The following SBF2 variants were observed in gnomAD, a reference collection of about 807,000 sequenced individuals.
The protein encoded by SBF2 is myotubularin-related protein 13.
SBF2 carries 112 observed loss-of-function variants against 225.2 expected under a neutral mutation model. The observed-to-expected ratio is 0.50, with a 90% CI of 0.43 to 0.58. The LOEUF is 0.58. Among genes scored for constraint, SBF2 ranks in the 20% least tolerant of loss-of-function variants. The pLI is 0.00. For missense variants in SBF2, 1,996 were observed against 2,206.2 expected (o/e 0.90, Z 1.91); for synonymous variants, 763 against 773.3 (o/e 0.99, Z 0.22).
At chr11:10,058,708 T>G (rs534644615) in intron 2 of SBF2, among the ~76,000 whole-genome samples, 1 of 152,134 alleles carries the variant, frequency 6.6e-6, no homozygotes, top group East Asian at 1.9e-4. Flanking sequence ...CCAAGACACA[T>G]AATCATCAGA....
At chr11:9,932,874 T>C (rs907887866) in intron 16 of SBF2, among the ~76,000 whole-genome samples, 3 of 147,832 alleles carry the variant, frequency 2.0e-5, no homozygotes, top group Non-Finnish European at 4.4e-5. Flanking sequence ...GTGTGCTCTA[T>C]TCAGGAGACC....
chr11:10,031,179 A>C lies in SBF2; in HGVS notation c.280-9T>G. 1.2e-6 allele frequency: 2 copies of C among 1,612,966 alleles called. No homozygotes were observed. Among genetic ancestry groups the C allele is most frequent in the South Asian group, 2.2e-5 (2 of 90,992 alleles). ...TCTTCCTTCTTTGTTCCCTAGAAAA[A>C]GAGACACTGAAATCAACAAACAGAA... On this transcript the variant is annotated splice_polypyrimidine_tract_variant and intron_variant, in intron 3 of 39. Coordinates refer to ENST00000256190, the MANE Select transcript of SBF2 (RefSeq NM_030962.4).
intron 12 of SBF2, 54 bp downstream of exon 12, chr11:9,992,361 A>T (rs1047272577): frequency 1.4e-6 from 2 of 1,451,964 alleles, no homozygotes; most frequent in African/African-American, 2.8e-5. Flanking sequence ...TTTACTTTTA[A>T]CTACTAGTCT....
At chr11:9,983,226 C>A (rs1947035578) in intron 13 of SBF2, among the ~76,000 whole-genome samples, 1 of 152,190 alleles carries the variant, frequency 6.6e-6, no homozygotes, top group African/African-American at 2.4e-5. Context: ...GAAACAGACT[C>A]AGGGCTACTG....
chr11:9,883,064 G>A (rs1201629391), intron 17 of SBF2, among the ~76,000 whole-genome samples: 1 of 152,052 alleles, frequency 6.6e-6, no homozygotes, highest in Non-Finnish European at 1.5e-5. Flanking sequence ...AACTCAGGAA[G>A]CGGAGGTTGC....
intron 3 of SBF2, among the ~76,000 whole-genome samples, chr11:10,035,967 CTTA>C (rs1181200947): frequency 6.6e-6 from 1 of 152,102 alleles, no homozygotes; most frequent in Admixed American, 6.6e-5. Flanking sequence ...CACACGTATG[CTTA>C]TTGTGACACT....
At chr11:9,911,010 G>A (rs1239626923) in intron 16 of SBF2, among the ~76,000 whole-genome samples, 1 of 150,096 alleles carries the variant, frequency 6.7e-6, no homozygotes, top group Non-Finnish European at 1.5e-5. Flanking sequence ...AGTGAGCTGA[G>A]ATCGCCCCAC....
intron 17 of SBF2, among the ~76,000 whole-genome samples, chr11:9,892,547 A>AATAT (rs753773750): frequency 3.3e-4 from 49 of 147,800 alleles, no homozygotes; most frequent in Admixed American, 6.1e-4. Flanking sequence ...CTATCTGGAA[A>AATAT]ATATATATAT....
chr11:9,801,815 T>C (rs991721408), intron 32 of SBF2, among the ~76,000 whole-genome samples: 2 of 152,348 alleles, frequency 1.3e-5, no homozygotes, highest in Middle Eastern at 3.4e-3. Context: ...TACAGCTATT[T>C]TGCCAATATT....
intron 1 of SBF2, among the ~76,000 whole-genome samples, chr11:10,292,547 C>T (rs1245391778): frequency 6.6e-6 from 1 of 151,862 alleles, no homozygotes; most frequent in Non-Finnish European, 1.5e-5. Flanking sequence ...GGCGTGTTGG[C>T]GGGCGCCTGT....
At chr11:10,121,030 T>C (rs1440364795) in intron 2 of SBF2, among the ~76,000 whole-genome samples, 2 of 152,120 alleles carry the variant, frequency 1.3e-5, no homozygotes, top group Admixed American at 6.5e-5. Context: ...CCTCCCAAAG[T>C]GCTGGGATTA....
intron 2 of SBF2, among the ~76,000 whole-genome samples, chr11:10,099,964 A>C (rs1458073864): frequency 6.6e-6 from 1 of 152,220 alleles, no homozygotes; most frequent in Non-Finnish European, 1.5e-5. Context: ...GCAGGAAAAA[A>C]ATTTTAAAAA....
chr11:9,780,742 T>G (rs1590066201), intron 39 of SBF2: 1 of 546,500 alleles, frequency 1.8e-6, no homozygotes, highest in Admixed American at 3.0e-5. Flanking sequence ...GGAGACACAC[T>G]GGGAGCGCCT....
At chr11:10,061,815 C>T (rs1265868952) in intron 2 of SBF2, among the ~76,000 whole-genome samples, 4 of 152,184 alleles carry the variant, frequency 2.6e-5, no homozygotes, top group Admixed American at 6.5e-5. Context: ...CTACCAATGA[C>T]ATTCTTCACA....
intron 13 of SBF2, among the ~76,000 whole-genome samples, chr11:9,974,652 G>GC (rs144017672): frequency 0.083 from 10,502 of 127,108 alleles, 529 homozygotes; most frequent in East Asian, 0.29. Context: ...CCCCAACACC[G>GC]CCCAAAAAAA....
intron 16 of SBF2, chr11:9,956,931 CAGA>C (rs1278894944): frequency 6.6e-6 from 1 of 152,134 alleles, no homozygotes; most frequent in East Asian, 1.9e-4. Context: ...AGAGCAGAGG[CAGA>C]AGGAGACAGT....
intron 35 of SBF2, 173 bp from the exon 36 acceptor site, chr11:9,787,911 C>G (rs1852480530): frequency 3.0e-6 from 2 of 659,888 alleles, no homozygotes; most frequent in African/African-American, 3.6e-5. Flanking sequence ...GGTGAGAGCT[C>G]TAGTTGGTGT....
chr11:10,095,889 GA>G (rs1951998836), intron 2 of SBF2, among the ~76,000 whole-genome samples: 2 of 151,852 alleles, frequency 1.3e-5, no homozygotes, highest in African/African-American at 2.4e-5. Flanking sequence ...CAGAGCGGGG[GA>G]AAAAAAGAAG....
intron 10 of SBF2, 39 bp from the exon 11 acceptor site, chr11:9,993,142 T>C: frequency 6.8e-7 from 1 of 1,466,988 alleles, no homozygotes. Flanking sequence ...ATTTAACTTT[T>C]TAAAAACAAA....
Sources: gnomAD v4.1 joint callset for allele counts (sites outside exome capture counted in the v4.1 genomes callset) on GRCh38, gnomAD v4.1.1 for gene constraint, MANE v1.5 for transcripts, NCBI Gene and HGNC (gene_info 2026-07-23, HGNC 2026-07-21) for gene names.